SEL1L3: variants seen among roughly 807,000 people sequenced by gnomAD.
SEL1L3 encodes the protein protein sel-1 homolog 3.
In SEL1L3, 76 loss-of-function variants were observed where a neutral mutation model predicts 142.8. The ratio of observed to expected loss-of-function variants is 0.53; its 90% confidence interval spans 0.44 to 0.64. The LOEUF is 0.64. Ranked by LOEUF, SEL1L3 falls within the 30% of genes least tolerant of loss-of-function variation. The probability of loss-of-function intolerance (pLI) is 0.00; values close to 1 mark genes in which losing one functional copy is unlikely to be tolerated. For missense variants in SEL1L3, 1,262 were observed against 1,381.7 expected (o/e 0.91, Z 1.37); for synonymous variants, 504 against 519.6 (o/e 0.97, Z 0.41).
At chr4:25,758,421 A>G (rs1718141684) in intron 21 of SEL1L3, among the ~76,000 whole-genome samples, 1 of 152,180 alleles carries the variant, frequency 6.6e-6, no homozygotes, top group Non-Finnish European at 1.5e-5. Context: ...CAGTGAGCTG[A>G]GATCGCACCA....
At chr4:25,862,175 CGGGCCGG>C in intron 1 of SEL1L3, 1 of 152,402 alleles carries the variant, frequency 6.6e-6, no homozygotes, top group Non-Finnish European at 1.5e-5. Flanking sequence ...GAAAACTGTC[CGGGCCGG>C]GAGGACCCGG....
At chr4:25,784,354 C>T in intron 13 of SEL1L3, 64 bp from the exon 14 acceptor site, 1 of 1,234,498 alleles carries the variant, frequency 8.1e-7, no homozygotes, top group Non-Finnish European at 1.2e-6. Flanking sequence ...CATACAGACA[C>T]TTTAGTGTTG....
chr4:25,858,162 C>G (rs1717394075), intron 1 of SEL1L3, among the ~76,000 whole-genome samples: 1 of 152,242 alleles, frequency 6.6e-6, no homozygotes, highest in Middle Eastern at 3.2e-3. Context: ...CTGGGTTATT[C>G]TCTCCTACCT....
rs754628233 is a variant in SEL1L3 at position 25,790,505 on chromosome 4, C to G, written c.2026G>C (p.Val676Leu). 2 of 1,613,574 alleles carry G rather than the reference C, an allele frequency of 1.2e-6. No individual in the cohort carries two copies. The highest frequency in any genetic ancestry group is 4.5e-5 in the East Asian group (2 of 44,888). Residue 676 changes from valine (V) to leucine (L), a missense_variant, in exon 12 of 24, where the codon GTC becomes CTC. Physicochemically the swap from Val to Leu is conservative, Grantham distance 32. Transcript: ENST00000399878. ...LKVQTKEDGDVFMWLKHEATR... is the reference protein window; with the variant it reads ...LKVQTKEDGDLFMWLKHEATR... ...GCTTCATGCTTCAACCACATAAAGA[C>G]ATCTCCATCTTCTTTGGTTTGTACC...
At chr4:25,724,027 A>G in the SEL1L3 span, among the ~76,000 whole-genome samples, 1 of 152,264 alleles carries the variant, frequency 6.6e-6, no homozygotes, top group Non-Finnish European at 1.5e-5. Flanking sequence ...TTTATACTCA[A>G]TTAGTGAACT....
At chr4:25,782,475 T>A in intron 14 of SEL1L3, 57 bp from the exon 15 acceptor site, 1 of 1,451,018 alleles carries the variant, frequency 6.9e-7, no homozygotes, top group Non-Finnish European at 9.5e-7. Context: ...TAGAGAGCTC[T>A]GGAAGCAATT....
Position 25,779,196 on chromosome 4 carries a change from G to A in SEL1L3, c.2465C>T (p.Ala822Val). Residue 822 changes from alanine to valine, a missense_variant, in exon 16 of 24, where the codon GCT (alanine) becomes GTT (valine). Physicochemically the swap from Ala to Val is moderately conservative, Grantham distance 64 (BLOSUM62 0). Coordinates refer to ENST00000399878, the MANE Select transcript of SEL1L3 (RefSeq NM_015187.5). ...PGVPGRNQTL[A>V]GEYFHKAAQG... is the part of the protein sequence containing the mutation. ...CGCAGCCTTATGGAAATATTCACCAGCTAAAGTCTGTAACAAGAGATGAAC... is the reference window on the plus strand; with the variant it reads ...CGCAGCCTTATGGAAATATTCACCAACTAAAGTCTGTAACAAGAGATGAAC... 5 of 1,613,172 alleles carry A rather than the reference G, an allele frequency of 3.1e-6. No homozygotes were observed. Among genetic ancestry groups the A allele is most frequent in the Non-Finnish European group, 4.2e-6 (5 of 1,179,408 alleles).
At chr4:25,772,495 G>A (rs184734167) in intron 17 of SEL1L3, among the ~76,000 whole-genome samples, 182 of 152,100 alleles carry the variant, frequency 1.2e-3, no homozygotes, top group African/African-American at 3.7e-3. Flanking sequence ...ATTCTAGGGC[G>A]ACTCTTTCTA....
At chr4:25,734,841 T>C in the SEL1L3 span, among the ~76,000 whole-genome samples, 1 of 152,192 alleles carries the variant, frequency 6.6e-6, no homozygotes, top group African/African-American at 2.4e-5. Flanking sequence ...AATGCTGGGA[T>C]TATAGGTGTC....
intron 9 of SEL1L3, among the ~76,000 whole-genome samples, chr4:25,814,419 G>A (rs1252210942): frequency 1.3e-5 from 2 of 152,154 alleles, no homozygotes; most frequent in Non-Finnish European, 2.9e-5. Context: ...CCTATTCAGT[G>A]CCTACAATAA....
chr4:25,787,597 G>A (rs182005517), intron 13 of SEL1L3, among the ~76,000 whole-genome samples: 1 of 152,352 alleles, frequency 6.6e-6, no homozygotes, highest in East Asian at 1.9e-4. Flanking sequence ...TGGGATTACA[G>A]GTGTGAGCCA....
chr4:25,802,554 T>A, intron 10 of SEL1L3, 92 bp from the exon 11 acceptor site: 6 of 1,052,420 alleles, frequency 5.7e-6, no homozygotes, highest in Non-Finnish European at 5.6e-6. Flanking sequence ...AATTCCTATA[T>A]ACAATCCTAG....
chr4:25,817,361 C>T (rs1227218790), intron 9 of SEL1L3, among the ~76,000 whole-genome samples: 2 of 152,130 alleles, frequency 1.3e-5, no homozygotes, highest in Non-Finnish European at 2.9e-5. Context: ...CAACTCCCTG[C>T]TAGGATCCTC....
chr4:25,775,960 A>AAGTC (rs2109156870), intron 17 of SEL1L3, among the ~76,000 whole-genome samples: 1 of 152,200 alleles, frequency 6.6e-6, no homozygotes, highest in African/African-American at 2.4e-5. Flanking sequence ...AAGATCCCCT[A>AAGTC]TGCTGTCTCC....
chr4:25,714,152 G>A, the SEL1L3 span, among the ~76,000 whole-genome samples: 1 of 152,100 alleles, frequency 6.6e-6, no homozygotes, highest in Admixed American at 6.6e-5. Flanking sequence ...GAATTTTGGG[G>A]GGACTTGAAA....
intron 23 of SEL1L3, 50 bp downstream of exon 23, chr4:25,757,484 C>CG: frequency 1.9e-6 from 2 of 1,058,656 alleles, no homozygotes; most frequent in Non-Finnish European, 2.6e-6. Context: ...AAAAAAATCC[C>CG]TGCTTTTTTT....
intron 13 of SEL1L3, among the ~76,000 whole-genome samples, chr4:25,785,357 A>G (rs1711724318): frequency 1.3e-5 from 2 of 152,184 alleles, no homozygotes; most frequent in African/African-American, 4.8e-5. Context: ...GCCCTTAGTC[A>G]CACAATGGGA....
chr4:25,794,106 T>C (rs931686453), intron 11 of SEL1L3, among the ~76,000 whole-genome samples: 4 of 152,214 alleles, frequency 2.6e-5, no homozygotes, highest in Admixed American at 1.3e-4. Flanking sequence ...ATTCAGGACA[T>C]AGGCATAGAC....
chr4:25,806,928 T>C (rs1422876948), intron 9 of SEL1L3, among the ~76,000 whole-genome samples: 1 of 152,178 alleles, frequency 6.6e-6, no homozygotes, highest in Non-Finnish European at 1.5e-5. Context: ...CCTCAATCTT[T>C]CTTTAATAAC....
Sources: allele counts gnomAD v4.1 joint callset (sites outside exome capture counted in the v4.1 genomes callset), GRCh38; gene constraint gnomAD v4.1.1; transcripts MANE v1.5; gene names NCBI Gene and HGNC (gene_info 2026-07-23, HGNC 2026-07-21).